GAP43: variants seen among roughly 807,000 people sequenced by gnomAD.
GAP43 encodes growth associated protein 43.
Under a neutral mutation model 18.6 loss-of-function variants are expected in GAP43, and 6 were observed. That is an observed-to-expected ratio of 0.32 (90% CI 0.18 to 0.64). The LOEUF is 0.64. GAP43 is among the 30% of genes least tolerant of loss of function. The probability of loss-of-function intolerance (pLI) is 0.78; values close to 1 mark genes in which losing one functional copy is unlikely to be tolerated. For synonymous variants in GAP43, 115 were observed against 111.4 expected, an observed-to-expected ratio of 1.03 and a Z score of -0.20; for missense variants, 292 against 295.5, an observed-to-expected ratio of 0.99 and a Z score of 0.09.
chr3:115,692,650 A>G (rs564725047), intron 2 of GAP43, among the ~76,000 whole-genome samples: 252 of 152,280 alleles, frequency 1.7e-3, no homozygotes, highest in African/African-American at 5.8e-3. Flanking sequence ...AGTTTGTGCC[A>G]GTGAGGAGAA....
At chr3:115,683,072 CA>C (rs1298009465) in intron 2 of GAP43, among the ~76,000 whole-genome samples, 1 of 151,892 alleles carries the variant, frequency 6.6e-6, no homozygotes, top group African/African-American at 2.4e-5. Context: ...GACTATTATT[CA>C]GATATTAACA....
chr3:115,662,650 T>C (rs1306418600), intron 1 of GAP43, among the ~76,000 whole-genome samples: 1 of 152,210 alleles, frequency 6.6e-6, no homozygotes, highest in Non-Finnish European at 1.5e-5. Flanking sequence ...CATCACCTCT[T>C]GAACTCAGGA....
At chr3:115,677,567 A>C (rs1708909212) in intron 2 of GAP43, among the ~76,000 whole-genome samples, 1 of 152,220 alleles carries the variant, frequency 6.6e-6, no homozygotes, top group African/African-American at 2.4e-5. Flanking sequence ...AAAGGAGGCC[A>C]ACAGTTTCCA....
chr3:115,671,454 G>A (rs1036716189), intron 1 of GAP43, among the ~76,000 whole-genome samples: 3 of 152,070 alleles, frequency 2.0e-5, no homozygotes, highest in African/African-American at 7.2e-5. Context: ...TTTAATGTTT[G>A]TTTAAAAAGT....
At chr3:115,660,950 C>T (rs981825198) in intron 1 of GAP43, among the ~76,000 whole-genome samples, 2 of 152,148 alleles carry the variant, frequency 1.3e-5, no homozygotes, top group Non-Finnish European at 2.9e-5. Context: ...TAGCTAATCT[C>T]GATAGCTTTC....
intron 2 of GAP43, among the ~76,000 whole-genome samples, chr3:115,678,812 G>T (rs958204674): frequency 6.6e-6 from 1 of 151,676 alleles, no homozygotes; most frequent in Admixed American, 6.6e-5. Context: ...GCAATTTACA[G>T]TGTTTCTTAG....
rs1709507824 is a variant in GAP43, at chr3:115,716,717, A to ATATAT, written c.629-4077_629-4076insTATAT. 5.0e-3 allele frequency among the ~76,000 whole-genome samples: 219 copies of ATATAT among 43,928 alleles called. 52 individuals carry two copies. Among genetic ancestry groups the ATATAT allele is most frequent in the South Asian group, 8.1e-3 (9 of 1,106 alleles). 28.8% of individuals were successfully genotyped at this position (43,928 alleles called of 152,430 possible). A position where few individuals can be genotyped will look rare whatever the true frequency, so the allele number is the denominator to read the frequency against. On this transcript the variant is annotated intron_variant, in intron 2 of 2. Transcript: ENST00000305124. Reference sequence around the variant, plus strand: ...TAAAAAATTACTTTAATCTCAGACAAATATATATATATATATATATATATA... The same window carrying ATATAT: ...TAAAAAATTACTTTAATCTCAGACAATATATATATATATATATATATATATATATA...
At chr3:115,642,624 C>G (rs1708410568) in intron 1 of GAP43, among the ~76,000 whole-genome samples, 1 of 152,000 alleles carries the variant, frequency 6.6e-6, no homozygotes, top group Non-Finnish European at 1.5e-5. Context: ...ATCAACAAGC[C>G]TTGGAGGTTT....
intron 1 of GAP43, among the ~76,000 whole-genome samples, chr3:115,666,055 T>G (rs1708729601): frequency 6.7e-6 from 1 of 149,800 alleles, no homozygotes; most frequent in African/African-American, 2.5e-5. Flanking sequence ...CAGGTGAAGG[T>G]CACATATTTT....
chr3:115,625,589 G>T (rs1404731887), intron 1 of GAP43, among the ~76,000 whole-genome samples: 1 of 152,106 alleles, frequency 6.6e-6, no homozygotes, highest in Non-Finnish European at 1.5e-5. Flanking sequence ...TTCATAATTT[G>T]TTCCCACCCT....
At chr3:115,642,693 A>T (rs1343286654) in intron 1 of GAP43, among the ~76,000 whole-genome samples, 1 of 151,992 alleles carries the variant, frequency 6.6e-6, no homozygotes, top group Non-Finnish European at 1.5e-5. Context: ...AAGTACCACA[A>T]CTCCAAAAGA....
chr3:115,720,308 A>G (rs1208672470), intron 2 of GAP43, among the ~76,000 whole-genome samples: 1 of 152,202 alleles, frequency 6.6e-6, no homozygotes, highest in Admixed American at 6.5e-5. Flanking sequence ...TATATAATTG[A>G]CTAGCACTGT....
At chr3:115,643,104 G>T (rs1289904229) in intron 1 of GAP43, among the ~76,000 whole-genome samples, 1 of 152,048 alleles carries the variant, frequency 6.6e-6, no homozygotes, top group East Asian at 1.9e-4. Context: ...AATAAAGGTT[G>T]AATAAAAATT....
At chr3:115,643,045 C>A (rs1708416168) in intron 1 of GAP43, among the ~76,000 whole-genome samples, 2 of 152,064 alleles carry the variant, frequency 1.3e-5, no homozygotes, top group African/African-American at 4.8e-5. Flanking sequence ...TTGTTTCTTG[C>A]AGTCTTGGAA....
chr3:115,634,189 C>A (rs1299385151), intron 1 of GAP43, among the ~76,000 whole-genome samples: 1 of 152,062 alleles, frequency 6.6e-6, no homozygotes, highest in Non-Finnish European at 1.5e-5. Flanking sequence ...ACAAAATGAT[C>A]TCCAAAGGTT....
chr3:115,637,661 G>A lies in GAP43; in HGVS notation c.30+13942G>A, dbSNP rs971709696. ...GTGCCCATAAGTCTCACTTGGACTA[G>A]TGAATCTCAAATTCTCCAGGCTCTC... is the stretch of plus-strand genomic sequence containing the variant. On this transcript the variant is annotated intron_variant, in intron 1 of 2. Transcript: ENST00000305124. 3.1e-4 allele frequency among the ~76,000 whole-genome samples: 47 copies of A among 152,150 alleles called. 1 individual carries two copies. Among genetic ancestry groups the A allele is most frequent in the African/African-American group, 1.0e-3 (43 of 41,534 alleles).
chr3:115,683,970 C>T (rs1271205230), intron 2 of GAP43, among the ~76,000 whole-genome samples: 2 of 152,046 alleles, frequency 1.3e-5, no homozygotes, highest in East Asian at 1.9e-4. Flanking sequence ...GATGTGATTA[C>T]TCAGCAATCC....
intron 2 of GAP43, among the ~76,000 whole-genome samples, chr3:115,717,195 G>A (rs1455082602): frequency 6.6e-6 from 1 of 152,130 alleles, no homozygotes. Flanking sequence ...CTGGACATGG[G>A]ATTCAAGGTT....
intron 2 of GAP43, among the ~76,000 whole-genome samples, chr3:115,708,157 A>G (rs962030): frequency 0.38 from 58,546 of 152,092 alleles, 11,545 homozygotes; most frequent in South Asian, 0.48. Context: ...ACAAATGTAT[A>G]CTTTTCTTTT....
Sources: gnomAD v4.1 joint callset for allele counts (sites outside exome capture counted in the v4.1 genomes callset) on GRCh38, gnomAD v4.1.1 for gene constraint, MANE v1.5 for transcripts, NCBI Gene and HGNC (gene_info 2026-07-23, HGNC 2026-07-21) for gene names.